The following SP100 variants were observed in gnomAD, a reference collection of about 807,000 sequenced individuals.
The protein encoded by SP100 is SP100 nuclear body protein.
SP100 carries 84 observed loss-of-function variants against 130.0 expected under a neutral mutation model. That is an observed-to-expected ratio of 0.65 (90% CI 0.54 to 0.77). The LOEUF (loss-of-function observed/expected upper bound fraction) is 0.77, where lower values mean the gene tolerates loss of function less well. SP100 is among the 30% of genes least tolerant of loss of function. The pLI, the probability that SP100 is intolerant of heterozygous loss-of-function variation, is 0.00. For missense variants in SP100, 978 were observed against 1,052.2 expected (o/e 0.93, Z 0.97); for synonymous variants, 331 against 351.7 (o/e 0.94, Z 0.66).
chr2:230,512,007 C>T (rs1034385771), intron 24 of SP100, among the ~76,000 whole-genome samples: 14 of 152,232 alleles, frequency 9.2e-5, no homozygotes, highest in African/African-American at 2.4e-4. Context: ...GCCAGGACTA[C>T]GGGTGCATGC....
At chr2:230,497,174 T>G (rs920452714) in intron 18 of SP100, among the ~76,000 whole-genome samples, 2 of 152,166 alleles carry the variant, frequency 1.3e-5, no homozygotes, top group African/African-American at 4.8e-5. Flanking sequence ...TAGCAGATCT[T>G]AAGCCCCAAA....
chr2:230,478,979 C>G (rs181105243), intron 17 of SP100, among the ~76,000 whole-genome samples: 1 of 152,252 alleles, frequency 6.6e-6, no homozygotes, highest in East Asian at 1.9e-4. Context: ...CACCACCATG[C>G]CTGGCTAATT....
intron 2 of SP100, among the ~76,000 whole-genome samples, chr2:230,438,261 A>G (rs558891526): frequency 6.6e-6 from 1 of 151,896 alleles, no homozygotes; most frequent in South Asian, 2.1e-4. Flanking sequence ...ATAATTTTTC[A>G]TACTTTTTCC....
chr2:230,427,825 T>C (rs2149870652), intron 2 of SP100, among the ~76,000 whole-genome samples: 1 of 152,326 alleles, frequency 6.6e-6, no homozygotes, highest in African/African-American at 2.4e-5. Flanking sequence ...CTCTACACTT[T>C]TACTTCTCCC....
At chr2:230,527,955 C>T (rs1414422978) in intron 24 of SP100, among the ~76,000 whole-genome samples, 2 of 152,198 alleles carry the variant, frequency 1.3e-5, no homozygotes, top group African/African-American at 4.8e-5. Flanking sequence ...TACAAAGAGA[C>T]TGAGACTCCC....
At chr2:230,435,102 GC>G (rs1273795874) in intron 2 of SP100, among the ~76,000 whole-genome samples, 5 of 152,174 alleles carry the variant, frequency 3.3e-5, no homozygotes, top group African/African-American at 1.2e-4. Context: ...TTCTGAAAAG[GC>G]TGTAGTAATT....
chr2:230,503,755 G>T (rs1013957807), intron 20 of SP100, among the ~76,000 whole-genome samples: 2 of 152,198 alleles, frequency 1.3e-5, no homozygotes, highest in Non-Finnish European at 2.9e-5. Context: ...CACCCCGAAA[G>T]GTGCCCCATT....
chr2:230,474,374 C>T lies in SP100; in HGVS notation c.1547-20C>T. On this transcript the variant is annotated intron_variant, in intron 16 of 28. Coordinates refer to ENST00000340126, the MANE Select transcript of SP100 (RefSeq NM_001080391.2). The stretch of plus-strand genomic sequence containing the variant: ...TACTTATAAATTACAGTTCTCTGAC[C>T]ACTACCTGTCACTTTCTAGATACCA... The T allele has an allele frequency of 7.1e-7, 1 of 1,413,378 alleles. No individual in the cohort carries two copies. Among genetic ancestry groups the T allele is most frequent in the Admixed American group, 1.9e-5 (1 of 53,984 alleles). 87.6% of individuals were successfully genotyped at this position (1,413,378 alleles called of 1,614,324 possible). A position where few individuals can be genotyped will look rare whatever the true frequency, so the allele number is the denominator to read the frequency against.
chr2:230,539,189 T>C (rs1461251441), intron 24 of SP100, 78 bp from the exon 25 acceptor site: 1 of 838,330 alleles, frequency 1.2e-6, no homozygotes. Context: ...AAGTGTGCCC[T>C]TGATACATAA....
rs34698165 is a variant in SP100 at position 230,506,307 on chromosome 2, C to T, written c.1875C>T (p.Thr625=). The T allele has an allele frequency of 1.5e-4, 241 of 1,613,622 alleles. No individual in the cohort carries two copies. The African/African-American group carries it at 2.9e-3, about 19-fold the overall frequency. Residue 625 remains threonine, a synonymous_variant, in exon 22 of 29, where the codon ACC becomes ACT. Coordinates refer to ENST00000340126, the MANE Select transcript of SP100 (RefSeq NM_001080391.2). ...CACTTTGCCTTGGTCTTACAGGAAC[C>T]TCAAAGAAGTGTATACAGAGTGAGG... The part of the protein sequence containing the change: ...TLYKERFKQG[T]SKKCIQSEDK...
chr2:230,504,782 C>G (rs1689949285), intron 21 of SP100, among the ~76,000 whole-genome samples: 1 of 152,140 alleles, frequency 6.6e-6, no homozygotes, highest in Admixed American at 6.6e-5. Context: ...ACAGTGAGCC[C>G]TCTTCTTCAT....
At position 230,544,172 on chromosome 2, in the gene SP100, C is replaced by T. The variant is rs1304166319; in HGVS notation, c.*1226C>T. The T allele has an allele frequency of 6.6e-6, 1 of 152,110 alleles. No homozygotes were observed. The highest frequency in any genetic ancestry group is 6.5e-5 in the Admixed American group (1 of 15,274). 9.4% of individuals were successfully genotyped at this position (152,110 alleles called of 1,614,324 possible). On this transcript the variant is annotated 3_prime_UTR_variant, in exon 29 of 29. Transcript: ENST00000340126. ...ATCAATTAAAGACTTAATGTAAAAT[C>T]AAAAACTATGAAGACTCTGGAAGAC...
At chr2:230,441,704 G>A (rs1032392511) in intron 2 of SP100, among the ~76,000 whole-genome samples, 1 of 152,204 alleles carries the variant, frequency 6.6e-6, no homozygotes, top group African/African-American at 2.4e-5. Context: ...GACAGCAGTG[G>A]TTGCCCTGAG....
chr2:230,462,550 T>C (rs1254734563), intron 10 of SP100, 32 bp downstream of exon 10: 1 of 1,502,854 alleles, frequency 6.7e-7, no homozygotes, highest in Non-Finnish European at 9.3e-7. Context: ...AGGCTTGGGC[T>C]GTGGGAATCT....
intron 18 of SP100, among the ~76,000 whole-genome samples, chr2:230,498,118 T>C (rs1417161902): frequency 6.6e-6 from 1 of 152,244 alleles, no homozygotes; most frequent in African/African-American, 2.4e-5. Context: ...AAATATCTTG[T>C]GTTAGTGTCT....
At chr2:230,475,153 C>T (rs2065477456) in intron 17 of SP100, among the ~76,000 whole-genome samples, 1 of 152,086 alleles carries the variant, frequency 6.6e-6, no homozygotes, top group Non-Finnish European at 1.5e-5. Context: ...ACCCTCCCAC[C>T]AACAGTGTAT....
In SP100 at chr2:230,416,701, G is replaced by T. The variant is rs1432511063; in HGVS notation, c.32+373G>T. 7.0e-6 allele frequency: 7 copies of T among 1,000,710 alleles called. No homozygotes were observed. The East Asian group carries it at 4.3e-4, about 62-fold the overall frequency. The allele number at this position is 1,000,710 out of a possible 1,614,324, so 62.0% of individuals were successfully genotyped here. On this transcript the variant is annotated intron_variant, in intron 1 of 28. Coordinates refer to ENST00000340126, the MANE Select transcript of SP100 (RefSeq NM_001080391.2). ...CCTTCAAATATGTCATGTCAAAAAA[G>T]GTGCTTTAGAAAATAAACACTCCAG...
In SP100 at chr2:230,417,676, A is replaced by G. The variant is rs758133045; in HGVS notation, c.107+11A>G. ...CCACGATTTGCAAAGGTGATGAATG[A>G]AGAGTTATGTCTTGTTTTAATTTGT... is the stretch of plus-strand genomic sequence containing the variant. On this transcript the variant is annotated intron_variant, in intron 2 of 28. Transcript: ENST00000340126. 25 of 1,610,980 alleles carry G rather than the reference A, an allele frequency of 1.6e-5. No homozygotes were observed. The South Asian group carries it at 2.8e-4, about 18-fold the overall frequency.
chr2:230,511,758 C>T (rs1019640250), intron 24 of SP100, among the ~76,000 whole-genome samples: 10 of 152,164 alleles, frequency 6.6e-5, no homozygotes, highest in African/African-American at 2.4e-4. Flanking sequence ...AAAACCATCA[C>T]CACTTGGCAA....
Sources: allele counts gnomAD v4.1 joint callset (sites outside exome capture counted in the v4.1 genomes callset), GRCh38; gene constraint gnomAD v4.1.1; transcripts MANE v1.5; gene names NCBI Gene and HGNC (gene_info 2026-07-23, HGNC 2026-07-21).